TP63: variants seen among roughly 807,000 people sequenced by gnomAD.
The protein encoded by TP63 is tumor protein 63.
In TP63, 17 loss-of-function variants were observed where a neutral mutation model predicts 82.8. The ratio of observed to expected loss-of-function variants is 0.21; its 90% CI spans 0.14 to 0.31. The LOEUF is 0.31. Ranked by LOEUF, TP63 falls within the 10% of genes least tolerant of loss-of-function variation. The pLI is 1.00. For synonymous variants in TP63, 330 were observed against 321.7 expected (o/e 1.03, Z -0.28); for missense variants, 648 against 895.3 (o/e 0.72, Z 3.52).
intron 1 of TP63, among the ~76,000 whole-genome samples, chr3:189,691,740 A>G (rs1215497140): frequency 3.3e-5 from 5 of 152,198 alleles, no homozygotes; most frequent in Admixed American, 6.5e-5. Flanking sequence ...TCTGGTATCT[A>G]CAGCACTAGA....
At chr3:189,608,806 C>A in the TP63 span, among the ~76,000 whole-genome samples, 1 of 152,006 alleles carries the variant, frequency 6.6e-6, no homozygotes, top group African/African-American at 2.4e-5. Context: ...ATTTTAATAT[C>A]TTTCCAAAGA....
In TP63 at chr3:189,868,714, G is replaced by A. The variant is rs143591434; in HGVS notation, c.1127G>A (p.Arg376His). 134 of 1,613,804 alleles carry A rather than the reference G, an allele frequency of 8.3e-5. No individual in the cohort carries two copies. The Admixed American group carries it at 1.2e-3, about 14-fold the overall frequency. The part of the protein sequence containing the change: ...DSTKNGDGTK[R>H]PFRQNTHGIQ... ...ACAAAGAACGGTGATGGTACGAAGC[G>A]CCGTAAGTAGATGTAGTGGCCAAAT... Residue 376 changes from arginine (R) to histidine (H), a missense_variant and splice_region_variant, in exon 8 of 14, where the codon CGC becomes CAC. By Grantham distance (29) the Arg-to-His change is conservative. Around this residue, in one of 5 missense-constraint regions of TP63, gnomAD observed 342 missense variants for 425.7 expected, o/e 0.80. Transcript: ENST00000264731.
chr3:189,819,480 T>G (rs1463176634), intron 4 of TP63, among the ~76,000 whole-genome samples: 3 of 152,066 alleles, frequency 2.0e-5, no homozygotes, highest in Non-Finnish European at 1.5e-5. Context: ...GTGTGTGATG[T>G]TCCCCTTCCT....
chr3:189,848,331 C>T (rs1003542938), intron 4 of TP63, among the ~76,000 whole-genome samples: 2 of 146,512 alleles, frequency 1.4e-5, no homozygotes, highest in African/African-American at 5.0e-5. Context: ...ACCTGCTGCA[C>T]TCAAGTGATC....
intron 1 of TP63, among the ~76,000 whole-genome samples, chr3:189,678,576 C>G (rs2108686934): frequency 6.6e-6 from 1 of 151,830 alleles, no homozygotes; most frequent in South Asian, 2.1e-4. Flanking sequence ...GGCTCTTTTT[C>G]AGTTTCATAT....
At chr3:189,722,099 A>G (rs1719436648) in intron 1 of TP63, among the ~76,000 whole-genome samples, 1 of 152,204 alleles carries the variant, frequency 6.6e-6, no homozygotes, top group Non-Finnish European at 1.5e-5. Flanking sequence ...GAAAGGAGAG[A>G]CAAGAAACTG....
chr3:189,634,085 T>C (rs1729619281), intron 1 of TP63, among the ~76,000 whole-genome samples: 1 of 152,078 alleles, frequency 6.6e-6, no homozygotes, highest in African/African-American at 2.4e-5. Flanking sequence ...TCAAACAATA[T>C]GTTCTTTGAT....
At chr3:189,644,150 C>G (rs6766775) in intron 1 of TP63, among the ~76,000 whole-genome samples, 17,804 of 152,020 alleles carry the variant, frequency 0.12, 1,395 homozygotes, top group East Asian at 0.38. Context: ...TTCATCATTA[C>G]CTGAAATTAT....
At chr3:189,648,647 A>G (rs1020794899) in intron 1 of TP63, among the ~76,000 whole-genome samples, 1 of 147,496 alleles carries the variant, frequency 6.8e-6, no homozygotes, top group Non-Finnish European at 1.5e-5. Flanking sequence ...GGATTGAGTA[A>G]TTAACTCCAA....
chr3:189,697,616 G>A (rs969733166), intron 1 of TP63, among the ~76,000 whole-genome samples: 9 of 151,920 alleles, frequency 5.9e-5, no homozygotes, highest in African/African-American at 2.2e-4. Context: ...AATTTGGAAT[G>A]TTTTGAATGT....
chr3:189,760,427 T>C lies in TP63; in HGVS notation c.324+21653T>C, dbSNP rs1377245467. Reference sequence around the variant, plus strand: ...CAAAACAAAGGGGCTACTGGCCCCATGTAAGTCCAAAATCCAGTGGGGCAG... The same window carrying C: ...CAAAACAAAGGGGCTACTGGCCCCACGTAAGTCCAAAATCCAGTGGGGCAG... On this transcript the variant is annotated intron_variant, in intron 3 of 13. Coordinates refer to ENST00000264731, the MANE Select transcript of TP63 (RefSeq NM_003722.5). Among the ~76,000 whole-genome samples the C allele has an allele frequency of 2.0e-5, 3 of 152,310 alleles. No homozygotes were observed. The East Asian group carries it at 5.8e-4, about 29-fold the overall frequency.
chr3:189,894,606 T>C lies in TP63; in HGVS notation c.*104T>C. 1 of 1,382,278 alleles carries C rather than the reference T, an allele frequency of 7.2e-7. No individual in the cohort carries two copies. The highest frequency in any genetic ancestry group is 9.9e-7 in the Non-Finnish European group (1 of 1,007,370). 85.6% of individuals were successfully genotyped at this position (1,382,278 alleles called of 1,614,324 possible). ...TTCTCCCTAGCTCCTCCCCTTCCTC[T>C]TGTCTGATTTCTTAGGGGAAGGAGA... On this transcript the variant is annotated 3_prime_UTR_variant, in exon 14 of 14. Coordinates refer to ENST00000264731, the MANE Select transcript of TP63 (RefSeq NM_003722.5).
At chr3:189,685,719 A>G (rs1321633026) in intron 1 of TP63, among the ~76,000 whole-genome samples, 1 of 152,248 alleles carries the variant, frequency 6.6e-6, no homozygotes, top group Non-Finnish European at 1.5e-5. Context: ...GAAATTTGAT[A>G]GCAATATTGA....
intron 1 of TP63, among the ~76,000 whole-genome samples, chr3:189,635,780 A>G (rs1023136988): frequency 6.6e-5 from 10 of 152,104 alleles, no homozygotes; most frequent in African/African-American, 2.4e-4. Flanking sequence ...TTTTCTTGCC[A>G]GTATCATGCT....
At chr3:189,818,975 C>T (rs960608161) in intron 4 of TP63, among the ~76,000 whole-genome samples, 6 of 152,178 alleles carry the variant, frequency 3.9e-5, no homozygotes, top group Admixed American at 2.6e-4. Flanking sequence ...TCAAGTTTAT[C>T]ACCTTTCTTA....
chr3:189,625,750 T>C, the TP63 span, among the ~76,000 whole-genome samples: 1 of 152,266 alleles, frequency 6.6e-6, no homozygotes, highest in Non-Finnish European at 1.5e-5. Flanking sequence ...TCTTTCTTTA[T>C]CTCTCACTCA....
chr3:189,771,341 T>TTA (rs1560171699), intron 3 of TP63, among the ~76,000 whole-genome samples: 24 of 136,540 alleles, frequency 1.8e-4, no homozygotes, highest in African/African-American at 6.6e-4. Flanking sequence ...TAATATATAT[T>TTA]TATATAATAT....
At chr3:189,689,141 G>C in intron 1 of TP63, among the ~76,000 whole-genome samples, 1 of 87,152 alleles carries the variant, frequency 1.1e-5, no homozygotes, top group African/African-American at 3.9e-5. Flanking sequence ...TTTTGAGACG[G>C]AGTCTCACTC....
At chr3:189,744,450 T>C (rs563930147) in intron 3 of TP63, among the ~76,000 whole-genome samples, 36 of 152,118 alleles carry the variant, frequency 2.4e-4, no homozygotes, top group Non-Finnish European at 4.1e-4. Flanking sequence ...TCGCCCAACT[T>C]GGCCCTACCC....
Sources: gnomAD v4.1 joint callset for allele counts (sites outside exome capture counted in the v4.1 genomes callset) on GRCh38, gnomAD v4.1.1 for gene constraint, gnomAD v4.1.1 regional missense constraint, MANE v1.5 for transcripts, NCBI Gene and HGNC (gene_info 2026-07-23, HGNC 2026-07-21) for gene names.